The following ATP6V1C2 variants were observed in gnomAD, a reference collection of about 807,000 sequenced individuals.
ATP6V1C2 encodes ATPase H+ transporting V1 subunit C2.
A neutral mutation model predicts 56.8 loss-of-function variants in ATP6V1C2; 45 were observed. The observed-to-expected ratio is 0.79, with a 90% CI of 0.62 to 1.02. ATP6V1C2 has a LOEUF of 1.02. ATP6V1C2 is among the 50% of genes least tolerant of loss of function. The pLI, the probability that ATP6V1C2 is intolerant of heterozygous loss-of-function variation, is 0.00. For missense variants in ATP6V1C2, 463 were observed against 519.7 expected (o/e 0.89, Z 1.06); for synonymous variants, 220 against 201.3 (o/e 1.09, Z -0.79).
intron 4 of ATP6V1C2, among the ~76,000 whole-genome samples, chr2:10,760,531 G>C (rs1242499576): frequency 6.6e-6 from 1 of 152,200 alleles, no homozygotes; most frequent in Non-Finnish European, 1.5e-5. Flanking sequence ...TGAGAGATGA[G>C]GAAGAAGGCA....
chr2:10,737,692 T>C (rs1372799494), intron 3 of ATP6V1C2, among the ~76,000 whole-genome samples: 1 of 151,894 alleles, frequency 6.6e-6, no homozygotes, highest in Non-Finnish European at 1.5e-5. Flanking sequence ...TGTGACAGTT[T>C]GTTTGTTTGT....
intron 12 of ATP6V1C2, among the ~76,000 whole-genome samples, chr2:10,781,041 C>T (rs6758632): frequency 0.034 from 5,213 of 152,250 alleles, 335 homozygotes; most frequent in African/African-American, 0.12. Flanking sequence ...CCACTGCACC[C>T]GGCATGGTGT....
intron 4 of ATP6V1C2, 63 bp from the exon 5 acceptor site, chr2:10,764,268 G>T: frequency 7.1e-7 from 1 of 1,414,998 alleles, no homozygotes; most frequent in Non-Finnish European, 1.0e-6. Flanking sequence ...TTGGGATTCC[G>T]AAGTCTCAAT....
intron 10 of ATP6V1C2, 108 bp from the exon 11 acceptor site, chr2:10,777,477 C>A: frequency 1.4e-6 from 2 of 1,438,592 alleles, no homozygotes; most frequent in Non-Finnish European, 1.9e-6. Context: ...CGAGGGTGGG[C>A]CTGAATTCCT....
chr2:10,783,530 T>A lies in ATP6V1C2; in HGVS notation c.*267T>A, dbSNP rs1040067583. The A allele has an allele frequency of 3.8e-5, 13 of 340,694 alleles. No individual in the cohort carries two copies. In the Admixed American group the frequency reaches 6.0e-4, roughly 16 times the overall value. The allele number at this position is 340,694 out of a possible 1,614,324, so 21.1% of individuals were successfully genotyped here. ...CCTGTTCGCATTGGTAACCTGCTGC[T>A]GTATTTCATGTCTTAACGGCTATTT... is the stretch of plus-strand genomic sequence containing the variant. On this transcript the variant is annotated 3_prime_UTR_variant, in exon 14 of 14. Transcript: ENST00000272238.
In ATP6V1C2 at chr2:10,782,293, A is replaced by C; in HGVS notation, c.1112A>C (p.Lys371Thr). 6.2e-7 allele frequency: 1 copy of C among 1,614,252 alleles called. No individual in the cohort carries two copies. Among genetic ancestry groups the C allele is most frequent in the Non-Finnish European group, 8.5e-7 (1 of 1,180,038 alleles). Residue 371 changes from lysine (K) to threonine (T), a missense_variant, in exon 13 of 14, where the codon AAG (lysine) becomes ACG (threonine). Coordinates refer to ENST00000272238, the MANE Select transcript of ATP6V1C2 (RefSeq NM_001039362.2). ...FQAVLLQPHK[K>T]SSTKRLREVL... ...GCAGTGCTCCTGCAGCCGCATAAGA[A>C]GTCATCCACCAAGCGTTTAAGAGAG...
In ATP6V1C2 at chr2:10,764,315, G is replaced by A; in HGVS notation, c.284-16G>A. ...AGCGCAGGCTCATGTGTTGAAATGTGTTTGTATTCTTCCAGTTGACTTAAC... is the reference window on the plus strand; with the variant it reads ...AGCGCAGGCTCATGTGTTGAAATGTATTTGTATTCTTCCAGTTGACTTAAC... On this transcript the variant is annotated splice_polypyrimidine_tract_variant and intron_variant, in intron 4 of 13. Coordinates refer to ENST00000272238, the MANE Select transcript of ATP6V1C2 (RefSeq NM_001039362.2). 1.3e-6 allele frequency: 2 copies of A among 1,594,660 alleles called. No homozygotes were observed. Among genetic ancestry groups the A allele is most frequent in the Non-Finnish European group, 1.7e-6 (2 of 1,162,376 alleles).
chr2:10,778,692 C>A (rs1017402035), intron 12 of ATP6V1C2, 23 bp downstream of exon 12: 4 of 1,611,498 alleles, frequency 2.5e-6, no homozygotes, highest in Non-Finnish European at 3.4e-6. Flanking sequence ...GATGCCCCGG[C>A]TGGGACTGTC....
At chr2:10,747,386 T>C (rs575069744) in intron 3 of ATP6V1C2, among the ~76,000 whole-genome samples, 44 of 152,368 alleles carry the variant, frequency 2.9e-4, no homozygotes, top group African/African-American at 9.1e-4. Context: ...TTCTGAACTC[T>C]GAACTTCTTC....
At chr2:10,772,005 A>G in intron 7 of ATP6V1C2, 68 bp downstream of exon 7, 1 of 1,413,538 alleles carries the variant, frequency 7.1e-7, no homozygotes, top group Non-Finnish European at 1.0e-6. Flanking sequence ...CCCGTTGGTG[A>G]CTTGGGCAGT....
In ATP6V1C2 at chr2:10,731,712, G is replaced by A. The variant is rs531309503; in HGVS notation, c.197+5143G>A. On this transcript the variant is annotated intron_variant, in intron 3 of 13. Transcript: ENST00000272238. The stretch of plus-strand genomic sequence containing the variant: ...AACTGGGCCAAGCGCAGTAGCTCAT[G>A]CCTGTAATCCCAGCACTTTGGGAGG... 2.6e-5 allele frequency among the ~76,000 whole-genome samples: 4 copies of A among 152,308 alleles called. No homozygotes were observed. The South Asian group carries it at 8.3e-4, about 32-fold the overall frequency.
chr2:10,740,039 G>A (rs1243467240), intron 3 of ATP6V1C2, among the ~76,000 whole-genome samples: 4 of 142,892 alleles, frequency 2.8e-5, no homozygotes, highest in Non-Finnish European at 6.0e-5. Flanking sequence ...AGTGAGCTGA[G>A]ATCACGCCTC....
At chr2:10,743,997 AT>A (rs1196664315) in intron 3 of ATP6V1C2, among the ~76,000 whole-genome samples, 1,962 of 34,192 alleles carry the variant, frequency 0.057, 42 homozygotes, top group African/African-American at 0.096. Flanking sequence ...AAAAAAAAAA[AT>A]AATAATAATA....
intron 4 of ATP6V1C2, among the ~76,000 whole-genome samples, chr2:10,758,348 C>G (rs777407361): frequency 6.6e-6 from 1 of 152,230 alleles, no homozygotes; most frequent in African/African-American, 2.4e-5. Flanking sequence ...GCAGTGGCCT[C>G]TCTTCTCAGG....
At chr2:10,740,098 A>AG (rs1420519058) in intron 3 of ATP6V1C2, among the ~76,000 whole-genome samples, 2 of 151,804 alleles carry the variant, frequency 1.3e-5, no homozygotes, top group African/African-American at 2.4e-5. Flanking sequence ...AAAAAAAAAA[A>AG]AAAAAGAAAA....
Position 10,778,570 on chromosome 2 carries a change from A to C in ATP6V1C2, c.964-2A>C. 6.2e-7 allele frequency: 1 copy of C among 1,613,940 alleles called. No homozygotes were observed. The highest frequency in any genetic ancestry group is 8.5e-7 in the Non-Finnish European group (1 of 1,179,868). On this transcript the variant is annotated splice_acceptor_variant, in intron 11 of 13. Coordinates refer to ENST00000272238, the MANE Select transcript of ATP6V1C2 (RefSeq NM_001039362.2). LOFTEE classifies it high-confidence loss of function. ...GGTCACCTGGCTCTTCTGTCTTTGCAGGGCCCCCTGCTGCGCTGGCTCAAG... is the reference window on the plus strand; with the variant it reads ...GGTCACCTGGCTCTTCTGTCTTTGCCGGGCCCCCTGCTGCGCTGGCTCAAG...
At chr2:10,776,143 T>C (rs1664956230) in intron 10 of ATP6V1C2, among the ~76,000 whole-genome samples, 1 of 152,002 alleles carries the variant, frequency 6.6e-6, no homozygotes, top group Non-Finnish European at 1.5e-5. Flanking sequence ...CGTAGTGGGG[T>C]TCTCGGAGCC....
intron 3 of ATP6V1C2, among the ~76,000 whole-genome samples, chr2:10,747,835 T>C (rs978873822): frequency 2.0e-5 from 3 of 152,170 alleles, no homozygotes; most frequent in Admixed American, 6.5e-5. Flanking sequence ...GGAACACTTA[T>C]ACAGACTTTT....
At chr2:10,770,927 G>A (rs1257825820) in intron 6 of ATP6V1C2, among the ~76,000 whole-genome samples, 1 of 152,236 alleles carries the variant, frequency 6.6e-6, no homozygotes, top group Non-Finnish European at 1.5e-5. Context: ...CAACAAACGT[G>A]TGGAAAGTTG....
Sources: gnomAD v4.1 joint callset for allele counts (sites outside exome capture counted in the v4.1 genomes callset) on GRCh38, gnomAD v4.1.1 for gene constraint, MANE v1.5 for transcripts, NCBI Gene and HGNC (gene_info 2026-07-23, HGNC 2026-07-21) for gene names.